Variants in NRXN3 observed in about 807,000 individuals in gnomAD.
NRXN3 encodes the protein neurexin III.
A neutral mutation model predicts 137.6 loss-of-function variants in NRXN3; 32 were observed. The observed-to-expected ratio is 0.23, with a 90% CI of 0.18 to 0.31. The LOEUF (loss-of-function observed/expected upper bound fraction) is 0.31, where lower values mean the gene tolerates loss of function less well. Among genes scored for constraint, NRXN3 ranks in the 10% least tolerant of loss-of-function variants. The pLI is 1.00. For missense variants in NRXN3, 1,574 were observed against 2,062.5 expected, an observed-to-expected ratio of 0.76 and a Z score of 4.59; for synonymous variants, 798 against 784.5, an observed-to-expected ratio of 1.02 and a Z score of -0.29.
At chr14:79,639,201 A>G (rs2098420393) in intron 16 of NRXN3, among the ~76,000 whole-genome samples, 1 of 152,192 alleles carries the variant, frequency 6.6e-6, no homozygotes, top group Admixed American at 6.5e-5. Flanking sequence ...GAGATATTGG[A>G]CAGATTAGCA....
intron 6 of NRXN3, among the ~76,000 whole-genome samples, chr14:78,660,747 T>C (rs1444345766): frequency 6.6e-6 from 1 of 152,188 alleles, no homozygotes; most frequent in Non-Finnish European, 1.5e-5. Flanking sequence ...CCACTTATGG[T>C]TGAATAATGT....
At chr14:78,993,834 ATTTTTTTT>A (rs58170856) in intron 15 of NRXN3, among the ~76,000 whole-genome samples, 139 of 66,992 alleles carry the variant, frequency 2.1e-3, no homozygotes, top group African/African-American at 2.1e-3. Context: ...GAGCCTTGAA[ATTTTTTTT>A]TTTTTTTTTT....
At chr14:79,670,798 A>G (rs551825520) in intron 17 of NRXN3, among the ~76,000 whole-genome samples, 3 of 152,196 alleles carry the variant, frequency 2.0e-5, no homozygotes, top group African/African-American at 7.2e-5. Flanking sequence ...CTGCAGGTGT[A>G]TTGTCTGGAT....
intron 16 of NRXN3, among the ~76,000 whole-genome samples, chr14:79,520,550 T>C (rs1299725849): frequency 6.6e-6 from 1 of 152,206 alleles, no homozygotes; most frequent in African/African-American, 2.4e-5. Flanking sequence ...GTTTAGTTTC[T>C]GTTCCTGTGT....
intron 11 of NRXN3, among the ~76,000 whole-genome samples, chr14:78,962,627 T>C (rs1212677448): frequency 6.6e-6 from 1 of 152,242 alleles, no homozygotes; most frequent in Non-Finnish European, 1.5e-5. Flanking sequence ...ACAGGTGCAA[T>C]AATATACTTA....
chr14:78,770,740 G>T (rs1312711015), intron 8 of NRXN3, among the ~76,000 whole-genome samples: 2 of 152,064 alleles, frequency 1.3e-5, no homozygotes, highest in Admixed American at 1.3e-4. Context: ...AAAGTAAATT[G>T]CAAAGAAGAT....
At chr14:78,949,603 TA>T (rs33998097) in intron 10 of NRXN3, among the ~76,000 whole-genome samples, 18,599 of 137,966 alleles carry the variant, frequency 0.13, 1,341 homozygotes, top group African/African-American at 0.24. Flanking sequence ...TTTTTTTTTT[TA>T]AAAAAAAACT....
chr14:78,459,740 C>T (rs539353033), intron 4 of NRXN3, among the ~76,000 whole-genome samples: 164 of 152,280 alleles, frequency 1.1e-3, no homozygotes, highest in African/African-American at 3.4e-3. Flanking sequence ...CTCACTTTCT[C>T]GTACTATATA....
Position 79,595,549 on chromosome 14 carries a change from T to C in NRXN3, c.3445-68229T>C, listed in dbSNP as rs77969751. Among the ~76,000 whole-genome samples, 3,404 of 152,280 alleles carry C rather than the reference T, an allele frequency of 0.022. 212 individuals are homozygous for C. In the East Asian group the frequency reaches 0.24, roughly 11 times the overall value. On this transcript the variant is annotated intron_variant, in intron 16 of 20. Transcript: ENST00000335750. ...TTTAAATTTAAAAACTCAAGCAGTG[T>C]AAAATAGTTTTCATCAAACACAATT...
intron 19 of NRXN3, among the ~76,000 whole-genome samples, chr14:79,789,428 C>T (rs186457150): frequency 1.3e-5 from 2 of 152,182 alleles, no homozygotes; most frequent in East Asian, 1.9e-4. Context: ...AGAAAGAATT[C>T]AGGGTGAGTT....
At chr14:78,579,094 C>G (rs1432644601) in intron 4 of NRXN3, among the ~76,000 whole-genome samples, 3 of 152,128 alleles carry the variant, frequency 2.0e-5, no homozygotes, top group Admixed American at 2.0e-4. Flanking sequence ...TAGGGACTCA[C>G]GCTTGATCAT....
At chr14:79,284,382 A>ATATG (rs1350281525) in intron 15 of NRXN3, among the ~76,000 whole-genome samples, 9 of 120,498 alleles carry the variant, frequency 7.5e-5, no homozygotes, top group East Asian at 2.6e-4. Flanking sequence ...ATATATATAT[A>ATATG]TATGTATCTC....
intron 15 of NRXN3, among the ~76,000 whole-genome samples, chr14:79,402,384 A>G (rs2095225543): frequency 6.6e-6 from 1 of 152,238 alleles, no homozygotes; most frequent in Admixed American, 6.5e-5. Context: ...CCATCTTTCT[A>G]ACTCCTGAGA....
chr14:79,339,475 C>T (rs930825485), intron 15 of NRXN3, among the ~76,000 whole-genome samples: 11 of 152,212 alleles, frequency 7.2e-5, no homozygotes, highest in African/African-American at 2.7e-4. Context: ...AGCCAAGGAA[C>T]CACACTTAGA....
chr14:79,048,312 C>T (rs1481060311), intron 15 of NRXN3, among the ~76,000 whole-genome samples: 1 of 152,110 alleles, frequency 6.6e-6, no homozygotes, highest in Non-Finnish European at 1.5e-5. Flanking sequence ...AAATGCTCTA[C>T]ATTCTGATGG....
intron 20 of NRXN3, among the ~76,000 whole-genome samples, chr14:79,842,270 C>G (rs1050431549): frequency 6.6e-6 from 1 of 152,182 alleles, no homozygotes; most frequent in Non-Finnish European, 1.5e-5. Flanking sequence ...TGCAGAGAAT[C>G]ATGAGGAGTT....
intron 4 of NRXN3, among the ~76,000 whole-genome samples, chr14:78,399,253 T>C (rs1039681597): frequency 6.6e-6 from 1 of 152,178 alleles, no homozygotes. Context: ...AACAACCATA[T>C]ACATAATAAA....
At chr14:79,655,667 A>G (rs1250718629) in intron 16 of NRXN3, among the ~76,000 whole-genome samples, 1 of 152,128 alleles carries the variant, frequency 6.6e-6, no homozygotes, top group East Asian at 1.9e-4. Context: ...TAGTGGCACT[A>G]TTGATATTAG....
intron 4 of NRXN3, among the ~76,000 whole-genome samples, chr14:78,415,507 A>C (rs944930472): frequency 6.6e-6 from 1 of 152,102 alleles, no homozygotes; most frequent in Non-Finnish European, 1.5e-5. Flanking sequence ...TCAGCTGTGA[A>C]CTTAGCTGGG....
Sources: gnomAD v4.1 joint callset for allele counts (sites outside exome capture counted in the v4.1 genomes callset) on GRCh38, gnomAD v4.1.1 for gene constraint, MANE v1.5 for transcripts, NCBI Gene and HGNC (gene_info 2026-07-23, HGNC 2026-07-21) for gene names.